Variants in JCAD observed in about 807,000 individuals in gnomAD.
JCAD encodes junctional cadherin 5 associated.
JCAD carries 40 observed loss-of-function variants against 98.0 expected under a neutral mutation model. That is an observed-to-expected ratio of 0.41 (90% CI 0.32 to 0.53). The LOEUF is 0.53. JCAD is among the 20% of genes least tolerant of loss of function. The probability of loss-of-function intolerance (pLI) is 0.31; values close to 1 mark genes in which losing one functional copy is unlikely to be tolerated. For synonymous variants in JCAD, 691 were observed against 682.3 expected (o/e 1.01, Z -0.20); for missense variants, 1,705 against 1,738.1 (o/e 0.98, Z 0.34).
chr10:30,071,965 C>G (rs891456007), intron 1 of JCAD, among the ~76,000 whole-genome samples: 6 of 152,064 alleles, frequency 3.9e-5, no homozygotes, highest in African/African-American at 1.2e-4. Flanking sequence ...TCCACTCACT[C>G]GATACTCTGT....
chr10:30,020,066 T>C (rs1168320975), intron 3 of JCAD, among the ~76,000 whole-genome samples: 1 of 151,116 alleles, frequency 6.6e-6, no homozygotes, highest in African/African-American at 2.4e-5. Context: ...AGGTGGCTCA[T>C]GCCTGTCATC....
At chr10:30,037,231 C>T (rs1837134539) in intron 2 of JCAD, among the ~76,000 whole-genome samples, 1 of 152,168 alleles carries the variant, frequency 6.6e-6, no homozygotes, top group Non-Finnish European at 1.5e-5. Context: ...CCTGCAATTT[C>T]TTTTTTCAGC....
intron 1 of JCAD, among the ~76,000 whole-genome samples, chr10:30,080,800 C>T (rs190963410): frequency 3.2e-4 from 48 of 152,222 alleles, no homozygotes; most frequent in Non-Finnish European, 7.4e-5. Flanking sequence ...AACTGAAGTC[C>T]GGGAGCTATC....
rs776114200 is a variant in JCAD, at chr10:30,047,599, G to A, written c.214C>T (p.Arg72Cys). The part of the protein sequence containing the change: ...GKGHVSDSES[R>C]RSTPRGHGEP... ...CCGTGGCCTCTCGGTGTGCTGCGGC[G>A]GCTTTCGGAGTCACTCACATGTCCT... is the stretch of plus-strand genomic sequence containing the variant. Residue 72 changes from arginine (R) to cysteine (C), a missense_variant, in exon 2 of 4, where the codon CGC becomes TGC. By Grantham distance (180) the Arg-to-Cys change is radical (BLOSUM62 -3). Around this residue, in one of 3 missense-constraint regions of JCAD, gnomAD observed 152 missense variants for 148.0 expected, o/e 1.03. Coordinates refer to ENST00000375377, the MANE Select transcript of JCAD (RefSeq NM_020848.4). 7.4e-6 allele frequency: 12 copies of A among 1,613,932 alleles called. No homozygotes were observed. Among genetic ancestry groups the A allele is most frequent in the Middle Eastern group, 3.3e-4 (2 of 6,082 alleles).
chr10:30,038,085 T>C (rs1009722229), intron 2 of JCAD, among the ~76,000 whole-genome samples: 30 of 152,194 alleles, frequency 2.0e-4, no homozygotes, highest in African/African-American at 7.0e-4. Context: ...GAATCATCTT[T>C]GGGTTAGGGC....
intron 1 of JCAD, among the ~76,000 whole-genome samples, chr10:30,057,822 C>A (rs1446842892): frequency 3.7e-4 from 57 of 152,240 alleles, no homozygotes; most frequent in Admixed American, 3.6e-3. Context: ...AATTAGACAC[C>A]TAATGTCAAG....
intron 2 of JCAD, among the ~76,000 whole-genome samples, chr10:30,046,830 G>A (rs1278105756): frequency 6.6e-6 from 1 of 152,206 alleles, no homozygotes; most frequent in Non-Finnish European, 1.5e-5. Context: ...GGTGGCTCAT[G>A]ACTCTAATCC....
rs1459640171 is a variant in JCAD at position 30,059,253 on chromosome 10, G to A, written c.-60+229C>T. 6.6e-6 allele frequency among the ~76,000 whole-genome samples: 1 copy of A among 151,516 alleles called. No individual in the cohort carries two copies. Among genetic ancestry groups the A allele is most frequent in the Non-Finnish European group, 1.5e-5 (1 of 67,798 alleles). On this transcript the variant is annotated intron_variant, in intron 1 of 3. Coordinates refer to ENST00000375377, the MANE Select transcript of JCAD (RefSeq NM_020848.4). The surrounding 1 kb of genome is among the most constrained non-coding windows in gnomAD (Gnocchi z 5.0). ...AGGGGACGCCCCTCCCGGGCTGGCA[G>A]GCGCCCTCCACCCCGAGGCTGCCGG...
chr10:30,113,122 A>G (rs983410131), intron 1 of JCAD, among the ~76,000 whole-genome samples: 7 of 152,184 alleles, frequency 4.6e-5, no homozygotes, highest in African/African-American at 7.2e-5. Context: ...TTTTGTCACA[A>G]TTTTTAAGGA....
rs1836828156 is a variant in JCAD at position 30,026,950 on chromosome 10, C to T, written c.3198G>A (p.Gly1066=). The change falls in exon 3 of 4, where the codon GGG becomes GGA. Residue 1066 remains glycine, a synonymous_variant. Transcript: ENST00000375377. ...GQEQGASELE[G]SLGEASTIEI... ...CTATTGTGCTTGCTTCACCCAAAGA[C>T]CCCTCTAGCTCACTGGCACCCTGTT... The T allele has an allele frequency of 2.5e-6, 4 of 1,614,200 alleles. No individual in the cohort carries two copies. In the East Asian group the frequency reaches 6.7e-5, roughly 27 times the overall value.
rs1321075515 is a variant in JCAD at position 30,110,679 on chromosome 10, T to C, written n.128+4688A>G. ...GCTGATGTATGGGCCAGGTGATGTA[T>C]GGACCCCTGATATATGGAGCAGCTG... On this transcript the variant is annotated intron_variant and non_coding_transcript_variant, in intron 1 of 2. Transcript: ENST00000465712. 2.6e-5 allele frequency among the ~76,000 whole-genome samples: 4 copies of C among 151,836 alleles called. No homozygotes were observed. The South Asian group carries it at 6.3e-4, about 24-fold the overall frequency.
chr10:30,039,522 T>G (rs1012236188), intron 2 of JCAD, among the ~76,000 whole-genome samples: 42 of 152,144 alleles, frequency 2.8e-4, no homozygotes, highest in African/African-American at 9.9e-4. Flanking sequence ...CATCACTTTC[T>G]TGTGGATTCC....
intron 1 of JCAD, among the ~76,000 whole-genome samples, chr10:30,070,680 C>T (rs1837869353): frequency 6.6e-6 from 1 of 152,150 alleles, no homozygotes; most frequent in African/African-American, 2.4e-5. Context: ...ACTTTTTTCC[C>T]TCCAGCTACA....
In JCAD at chr10:30,023,582, C is replaced by T. The variant is rs1012815864; in HGVS notation, c.4045+2521G>A. 7.2e-5 allele frequency among the ~76,000 whole-genome samples: 11 copies of T among 152,132 alleles called. No individual in the cohort carries two copies. The East Asian group carries it at 7.7e-4, about 11-fold the overall frequency. ...CTCAGAGTGCAGCCCCATTAAGCGA[C>T]GCATGACTGTACTTGAAAATGCCCG... On this transcript the variant is annotated intron_variant, in intron 3 of 3. Coordinates refer to ENST00000375377, the MANE Select transcript of JCAD (RefSeq NM_020848.4).
chr10:30,061,665 G>A (rs1309253154), upstream of JCAD, among the ~76,000 whole-genome samples: 1 of 152,080 alleles, frequency 6.6e-6, no homozygotes, highest in Non-Finnish European at 1.5e-5. Flanking sequence ...TTGTGGCTAG[G>A]GAGAGACACA....
chr10:30,027,185 A>G lies in JCAD; in HGVS notation c.2963T>C (p.Leu988Pro). The change falls in exon 3 of 4, where the codon CTG becomes CCG. Residue 988 changes from leucine to proline, a missense_variant. Coordinates refer to ENST00000375377, the MANE Select transcript of JCAD (RefSeq NM_020848.4). ...AGGTTCAGCTGGATAGGACGCGGGC[A>G]GTGGTTTTGCGTCACTTGATCTTGA... Reference protein sequence around the residue: ...MSSRSSDAKPLPASYPAEPRE... With the variant: ...MSSRSSDAKPPPASYPAEPRE... The G allele has an allele frequency of 6.2e-7, 1 of 1,614,188 alleles. No individual in the cohort carries two copies. The highest frequency in any genetic ancestry group is 8.5e-7 in the Non-Finnish European group (1 of 1,180,018).
At chr10:30,079,854 A>G (rs558167143) in intron 1 of JCAD, among the ~76,000 whole-genome samples, 1 of 152,354 alleles carries the variant, frequency 6.6e-6, no homozygotes, top group South Asian at 2.1e-4. Flanking sequence ...GATCATGAGA[A>G]TATGTTATAA....
Position 30,026,865 on chromosome 10 carries a change from C to T in JCAD, c.3283G>A (p.Ala1095Thr). ...RAARILGIEV[A>T]VESLLPGIRR... is the part of the protein sequence containing the mutation. Reference sequence around the variant, plus strand: ...ATGCCCGGCAGGAGGGACTCCACCGCCACCTCAATGCCCAGGATCCTTGCA... The same window carrying T: ...ATGCCCGGCAGGAGGGACTCCACCGTCACCTCAATGCCCAGGATCCTTGCA... The change falls in exon 3 of 4, where the codon GCG (alanine) becomes ACG (threonine). Residue 1095 changes from alanine (A) to threonine (T), a missense_variant. Transcript: ENST00000375377. 1 of 1,614,022 alleles carries T rather than the reference C, an allele frequency of 6.2e-7. No individual in the cohort carries two copies.
chr10:30,036,483 G>A (rs1001472395), intron 2 of JCAD, among the ~76,000 whole-genome samples: 4 of 151,808 alleles, frequency 2.6e-5, no homozygotes, highest in Non-Finnish European at 4.4e-5. Context: ...TGCAACATTT[G>A]GAATGCCTGT....
Sources: allele counts gnomAD v4.1 joint callset (sites outside exome capture counted in the v4.1 genomes callset), GRCh38; gene constraint gnomAD v4.1.1; regional missense constraint gnomAD v4.1.1; non-coding constraint Gnocchi (gnomAD v3.1); transcripts MANE v1.5; gene names NCBI Gene and HGNC (gene_info 2026-07-23, HGNC 2026-07-21).